Variants in VGLL4 observed in about 807,000 individuals in gnomAD.
The protein encoded by VGLL4 is vestigial like family member 4.
A neutral mutation model predicts 21.0 loss-of-function variants in VGLL4; 7 were observed. The ratio of observed to expected loss-of-function variants is 0.33; its 90% CI spans 0.19 to 0.63. VGLL4 has a LOEUF of 0.63. Ranked by LOEUF, VGLL4 falls within the 20% of genes least tolerant of loss-of-function variation. The pLI, the probability that VGLL4 is intolerant of heterozygous loss-of-function variation, is 0.78. For missense variants in VGLL4, 394 were observed against 425.7 expected (o/e 0.93, Z 0.66); for synonymous variants, 222 against 173.2 (o/e 1.28, Z -2.21).
chr3:11,706,507 A>C (rs75230269), intron 1 of VGLL4, among the ~76,000 whole-genome samples: 2,163 of 152,332 alleles, frequency 0.014, 47 homozygotes, highest in African/African-American at 0.045. Flanking sequence ...TATTATTTAA[A>C]ACTAAAATGG....
chr3:11,677,037 T>G (rs2076301175), intron 2 of VGLL4, among the ~76,000 whole-genome samples: 1 of 152,238 alleles, frequency 6.6e-6, no homozygotes, highest in South Asian at 2.1e-4. Flanking sequence ...AACACATGCA[T>G]TTATGGCAGA....
chr3:11,632,219 G>A (rs952185945), intron 1 of VGLL4, among the ~76,000 whole-genome samples: 12 of 151,904 alleles, frequency 7.9e-5, no homozygotes, highest in Admixed American at 1.3e-4. Flanking sequence ...AGGCTGAGGC[G>A]GGAGAATGGC....
intron 2 of VGLL4, among the ~76,000 whole-genome samples, chr3:11,677,207 C>A (rs2076303598): frequency 2.0e-5 from 3 of 152,100 alleles, no homozygotes. Flanking sequence ...GAGTAGTGTG[C>A]CAACTGGTAC....
intron 2 of VGLL4, chr3:11,671,172 C>G: frequency 7.1e-7 from 1 of 1,409,320 alleles, no homozygotes. Flanking sequence ...ACATACCACA[C>G]TTTTCTTTGC....
In VGLL4 at chr3:11,601,839, G is replaced by A. The variant is rs1358961871; in HGVS notation, c.266C>T (p.Pro89Leu). The change falls in exon 2 of 5, where the codon CCC (proline) becomes CTC (leucine). Residue 89 changes from proline (P) to leucine (L), a missense_variant. By Grantham distance (98) the Pro-to-Leu change is moderately conservative. Coordinates refer to ENST00000430365, the MANE Select transcript of VGLL4 (RefSeq NM_001128219.3). The stretch of plus-strand genomic sequence containing the variant: ...TAAGAACAGAGGAACTCACAGATGG[G>A]GGTTGAAGATGCGACTCATTTTGGA... ...HVSKMSRIFNPHLNKTANGDC... is the reference protein window; with the variant it reads ...HVSKMSRIFNLHLNKTANGDC... The A allele has an allele frequency of 1.9e-6, 3 of 1,613,510 alleles. No individual in the cohort carries two copies. The highest frequency in any genetic ancestry group is 1.7e-5 in the Admixed American group (1 of 59,946).
intron 2 of VGLL4, among the ~76,000 whole-genome samples, chr3:11,656,113 T>C (rs1186198361): frequency 6.6e-6 from 1 of 152,170 alleles, no homozygotes; most frequent in Non-Finnish European, 1.5e-5. Flanking sequence ...ATGATCAAAG[T>C]ATGATTTCCT....
chr3:11,643,887 C>T lies in VGLL4; in HGVS notation c.-369G>A, dbSNP rs371089239. 1 of 1,026,842 alleles carries T rather than the reference C, an allele frequency of 9.7e-7. No homozygotes were observed. The allele number at this position is 1,026,842 out of a possible 1,614,324, so 63.6% of individuals were successfully genotyped here. On this transcript the variant is annotated 5_prime_UTR_variant, in exon 1 of 5. Coordinates refer to ENST00000430365, the MANE Select transcript of VGLL4 (RefSeq NM_001128219.3). ...CGCCGGCCCCTCTCACAGCCCGCTG[C>T]AAGCCGGCAGCGCTGACATGAGGGC... is the stretch of plus-strand genomic sequence containing the variant.
chr3:11,698,969 C>G (rs1469322735), intron 2 of VGLL4, among the ~76,000 whole-genome samples: 1 of 152,158 alleles, frequency 6.6e-6, no homozygotes, highest in Non-Finnish European at 1.5e-5. Context: ...ATTTAGGTCA[C>G]CTTGATGAGC....
intron 2 of VGLL4, among the ~76,000 whole-genome samples, chr3:11,591,455 A>C (rs895771230): frequency 1.5e-4 from 23 of 152,178 alleles, no homozygotes; most frequent in African/African-American, 5.5e-4. Context: ...TTTGGCCAGA[A>C]AAAATGCCAG....
upstream of VGLL4, among the ~76,000 whole-genome samples, chr3:11,644,080 G>C (rs967180071): frequency 5.3e-5 from 8 of 152,216 alleles, no homozygotes; most frequent in African/African-American, 9.6e-5. Context: ...CTCTAGAGAC[G>C]GGGCCTTGGC....
At chr3:11,680,292 G>A (rs2076350801) in intron 2 of VGLL4, among the ~76,000 whole-genome samples, 1 of 152,184 alleles carries the variant, frequency 6.6e-6, no homozygotes, top group South Asian at 2.1e-4. Context: ...GCTATGCAAA[G>A]CCTGACTGTA....
chr3:11,630,414 G>A (rs761462124), intron 1 of VGLL4, among the ~76,000 whole-genome samples: 2 of 152,058 alleles, frequency 1.3e-5, no homozygotes, highest in African/African-American at 2.4e-5. Flanking sequence ...GGAGGCCGAG[G>A]CAGGTGGATC....
intron 2 of VGLL4, among the ~76,000 whole-genome samples, chr3:11,663,183 T>G (rs1012034491): frequency 6.6e-6 from 1 of 152,024 alleles, no homozygotes; most frequent in Non-Finnish European, 1.5e-5. Flanking sequence ...TAAAGGGGGC[T>G]GGAGGATGAG....
chr3:11,678,335 C>T (rs1244673478), intron 2 of VGLL4, among the ~76,000 whole-genome samples: 4 of 152,226 alleles, frequency 2.6e-5, no homozygotes, highest in Non-Finnish European at 5.9e-5. Context: ...GGATTACAGG[C>T]GTGAGCCTCT....
intron 2 of VGLL4, among the ~76,000 whole-genome samples, chr3:11,683,361 G>A (rs1426658511): frequency 1.3e-5 from 2 of 152,158 alleles, no homozygotes; most frequent in Admixed American, 6.5e-5. Flanking sequence ...AACCTCTATG[G>A]AAAGCAGTAT....
At chr3:11,577,789 T>TA (rs1276472753) in intron 2 of VGLL4, among the ~76,000 whole-genome samples, 2 of 152,240 alleles carry the variant, frequency 1.3e-5, no homozygotes, top group Non-Finnish European at 2.9e-5. Context: ...GAATGAACTC[T>TA]GCCTTCAAAT....
At chr3:11,680,514 G>C (rs2076353481) in intron 2 of VGLL4, among the ~76,000 whole-genome samples, 2 of 152,194 alleles carry the variant, frequency 1.3e-5, no homozygotes, top group African/African-American at 4.8e-5. Flanking sequence ...GAGACCAGTA[G>C]TGCCAAAACA....
intron 1 of VGLL4, among the ~76,000 whole-genome samples, chr3:11,709,779 T>C (rs1162887260): frequency 6.6e-6 from 1 of 152,182 alleles, no homozygotes; most frequent in Non-Finnish European, 1.5e-5. Flanking sequence ...CAGCTATAAA[T>C]CTGACAGCCA....
At chr3:11,715,124 G>A (rs1455928464) in intron 1 of VGLL4, among the ~76,000 whole-genome samples, 2 of 142,790 alleles carry the variant, frequency 1.4e-5, no homozygotes, top group African/African-American at 2.6e-5. Flanking sequence ...GACAGAGCGA[G>A]ACTCCGTCTC....
Sources: allele counts gnomAD v4.1 joint callset (sites outside exome capture counted in the v4.1 genomes callset), GRCh38; gene constraint gnomAD v4.1.1; transcripts MANE v1.5; gene names NCBI Gene and HGNC (gene_info 2026-07-23, HGNC 2026-07-21).